Variants in ESRRG observed in about 807,000 individuals in gnomAD.
ESRRG encodes estrogen related receptor gamma, also known as estrogen-related receptor gamma.
A neutral mutation model predicts 44.0 loss-of-function variants in ESRRG; 13 were observed. That is an observed-to-expected ratio of 0.30 (90% CI 0.19 to 0.47). The LOEUF (loss-of-function observed/expected upper bound fraction) is 0.47, where lower values mean the gene tolerates loss of function less well. Among genes scored for constraint, ESRRG ranks in the 20% least tolerant of loss-of-function variants. ESRRG has a pLI of 1.00. For synonymous variants in ESRRG, 215 were observed against 214.6 expected, an observed-to-expected ratio of 1.00 and a Z score of -0.02; for missense variants, 395 against 580.6, an observed-to-expected ratio of 0.68 and a Z score of 3.29.
intron 3 of ESRRG, among the ~76,000 whole-genome samples, chr1:216,612,376 C>T (rs1039682670): frequency 3.3e-5 from 5 of 151,114 alleles, no homozygotes; most frequent in East Asian, 2.0e-4. Flanking sequence ...AAGGAAGGGG[C>T]GGGAATAGAA....
At chr1:216,734,468 T>C (rs1485023517) in intron 2 of ESRRG, among the ~76,000 whole-genome samples, 2 of 152,044 alleles carry the variant, frequency 1.3e-5, no homozygotes, top group African/African-American at 4.8e-5. Context: ...AAGCTGGATG[T>C]TTAAAATTTA....
chr1:217,008,268 T>C (rs1273618166), intron 1 of ESRRG, among the ~76,000 whole-genome samples: 1 of 152,226 alleles, frequency 6.6e-6, no homozygotes, highest in Non-Finnish European at 1.5e-5. Context: ...TTGTTCAAGG[T>C]TACAAAGCTC....
intron 2 of ESRRG, among the ~76,000 whole-genome samples, chr1:216,741,535 C>G (rs1485549137): frequency 1.3e-5 from 2 of 151,522 alleles, no homozygotes; most frequent in Non-Finnish European, 2.9e-5. Context: ...GGAGGCATCT[C>G]TTATCCTGCC....
chr1:216,664,781 T>C (rs2073482079), intron 2 of ESRRG, among the ~76,000 whole-genome samples: 1 of 151,486 alleles, frequency 6.6e-6, no homozygotes, highest in Non-Finnish European at 1.5e-5. Flanking sequence ...TAATATAAAA[T>C]TGTACTGCCG....
chr1:216,804,142 TTC>T (rs1162205809), intron 2 of ESRRG, among the ~76,000 whole-genome samples: 1 of 152,198 alleles, frequency 6.6e-6, no homozygotes, highest in Non-Finnish European at 1.5e-5. Context: ...TTCAAAATTA[TTC>T]TCTCAGCCCT....
In ESRRG at chr1:216,707,377, C is replaced by T. The variant is rs754349911; in HGVS notation, c.56+15867G>A. 7.2e-6 allele frequency: 11 copies of T among 1,535,910 alleles called. No homozygotes were observed. In the East Asian group the frequency reaches 2.2e-4, roughly 31 times the overall value. On this transcript the variant is annotated intron_variant, in intron 1 of 6. Coordinates refer to ENST00000408911, the MANE Select transcript of ESRRG (RefSeq NM_001438.4). ...GGCCCACCTTTTAGCTGAAGGAACA[C>T]AGGCCAGATCAGACTTGACTGCTCC...
Position 216,970,469 on chromosome 1 carries a change from G to A in ESRRG, c.-105-30796C>T, listed in dbSNP as rs114634167. 8.4e-3 allele frequency among the ~76,000 whole-genome samples: 1,284 copies of A among 152,266 alleles called. 20 individuals are homozygous for A. Among genetic ancestry groups the A allele is most frequent in the African/African-American group, 0.029 (1,220 of 41,550 alleles). ...TTTAGCACAATGGCTACCTAGCTCA[G>A]ATAACTTTAAAAATTAGATGCCAAT... On this transcript the variant is annotated intron_variant, in intron 1 of 7. Coordinates refer to the ESRRG transcript ENST00000359162.
intron 1 of ESRRG, among the ~76,000 whole-genome samples, chr1:217,002,119 C>G (rs140168184): frequency 6.6e-6 from 1 of 151,574 alleles, no homozygotes; most frequent in Non-Finnish European, 1.5e-5. Flanking sequence ...CTGGTCAACA[C>G]GGCGAAACCC....
At chr1:216,614,334 CCT>C (rs2061101156) in intron 3 of ESRRG, among the ~76,000 whole-genome samples, 1 of 113,302 alleles carries the variant, frequency 8.8e-6, no homozygotes, top group African/African-American at 3.5e-5. Flanking sequence ...TCTGTGACAT[CCT>C]CTTTCTCTTT....
chr1:217,073,610 A>G (rs970842508), intron 1 of ESRRG, among the ~76,000 whole-genome samples: 2 of 152,156 alleles, frequency 1.3e-5, no homozygotes, highest in African/African-American at 4.8e-5. Context: ...GCTGGCATCA[A>G]AAGACTGTGG....
At chr1:216,993,324 C>T (rs2075978624) in intron 1 of ESRRG, among the ~76,000 whole-genome samples, 1 of 152,196 alleles carries the variant, frequency 6.6e-6, no homozygotes, top group African/African-American at 2.4e-5. Context: ...CCCTCCTTCT[C>T]CTACCTTTCT....
intron 2 of ESRRG, among the ~76,000 whole-genome samples, chr1:216,824,455 AAAT>A (rs2095356874): frequency 6.6e-6 from 1 of 151,848 alleles, no homozygotes; most frequent in Non-Finnish European, 1.5e-5. Context: ...CAAAAAATAA[AAAT>A]AATAATAATA....
chr1:216,698,808 T>A (rs767827388), intron 1 of ESRRG, among the ~76,000 whole-genome samples: 28 of 152,122 alleles, frequency 1.8e-4, no homozygotes, highest in Non-Finnish European at 4.4e-5. Context: ...CTCCAGTGTC[T>A]AAGGAACCAA....
At chr1:216,529,888 G>T (rs185941125) in intron 5 of ESRRG, among the ~76,000 whole-genome samples, 2 of 151,898 alleles carry the variant, frequency 1.3e-5, no homozygotes, top group Non-Finnish European at 2.9e-5. Context: ...CAGGTGAGTG[G>T]ATCACTTGAG....
chr1:217,116,248 A>G (rs962328316), intron 1 of ESRRG, among the ~76,000 whole-genome samples: 8 of 152,216 alleles, frequency 5.3e-5, no homozygotes, highest in African/African-American at 4.8e-5. Flanking sequence ...ATCACCAGGA[A>G]TAACAGTGAT....
intron 1 of ESRRG, among the ~76,000 whole-genome samples, chr1:217,130,328 G>A (rs72743335): frequency 0.073 from 11,088 of 152,258 alleles, 496 homozygotes; most frequent in East Asian, 0.22. Context: ...GAACTCTGGA[G>A]CTCAAGCTAT....
At chr1:216,987,319 A>G (rs1307460071) in intron 1 of ESRRG, among the ~76,000 whole-genome samples, 1 of 152,262 alleles carries the variant, frequency 6.6e-6, no homozygotes, top group Admixed American at 6.5e-5. Flanking sequence ...AAGAAAAGCC[A>G]TCAACCTATG....
intron 2 of ESRRG, among the ~76,000 whole-genome samples, chr1:216,856,905 CTA>C (rs1331869208): frequency 1.3e-5 from 2 of 152,130 alleles, no homozygotes; most frequent in Admixed American, 6.5e-5. Context: ...ACATCAATTA[CTA>C]TGTCTTTTTT....
intron 2 of ESRRG, among the ~76,000 whole-genome samples, chr1:216,658,056 C>T (rs1195834081): frequency 6.6e-6 from 1 of 152,094 alleles, no homozygotes; most frequent in Non-Finnish European, 1.5e-5. Flanking sequence ...CACAAGCAGG[C>T]AGGCTTTTAA....
Sources: gnomAD v4.1 joint callset for allele counts (sites outside exome capture counted in the v4.1 genomes callset) on GRCh38, gnomAD v4.1.1 for gene constraint, MANE v1.5 for transcripts, NCBI Gene and HGNC (gene_info 2026-07-23, HGNC 2026-07-21) for gene names.